The following KHDRBS2 variants were observed in gnomAD, a reference collection of about 807,000 sequenced individuals.
The protein encoded by KHDRBS2 is KH RNA binding domain containing, signal transduction associated 2, also known as KH domain-containing, RNA-binding, signal transduction-associated protein 2.
KHDRBS2 carries 26 observed loss-of-function variants against 44.3 expected under a neutral mutation model. The observed-to-expected ratio is 0.59, with a 90% confidence interval of 0.43 to 0.81. KHDRBS2 has a LOEUF of 0.81. Ranked by LOEUF, KHDRBS2 falls within the 40% of genes least tolerant of loss-of-function variation. The pLI is 0.00. For synonymous variants in KHDRBS2, 194 were observed against 151.1 expected (o/e 1.28, Z -2.08); for missense variants, 476 against 433.1 (o/e 1.10, Z -0.88).
chr6:62,076,505 T>C lies in KHDRBS2; in HGVS notation c.220-28511A>G, dbSNP rs571886852. On this transcript the variant is annotated intron_variant, in intron 2 of 8. Transcript: ENST00000281156. ...GTGTAAATCAGTAGATAATGTTGGT[T>C]GTAGTGAAATGTGGGGAAAGGATTC... Among the ~76,000 whole-genome samples the C allele has an allele frequency of 4.6e-5, 7 of 152,142 alleles. No individual in the cohort carries two copies. The South Asian group carries it at 1.4e-3, about 31-fold the overall frequency.
chr6:62,135,779 G>A (rs546503886), intron 2 of KHDRBS2, among the ~76,000 whole-genome samples: 1 of 152,128 alleles, frequency 6.6e-6, no homozygotes, highest in Non-Finnish European at 1.5e-5. Context: ...CAGAGTGGAT[G>A]ACCTAGAGGA....
intron 2 of KHDRBS2, among the ~76,000 whole-genome samples, chr6:62,060,910 T>G (rs1442163358): frequency 6.6e-6 from 1 of 151,964 alleles, no homozygotes; most frequent in Admixed American, 6.6e-5. Context: ...TGGTCTATGT[T>G]AAAATCATAT....
At chr6:61,843,320 T>C (rs1793877421) in intron 6 of KHDRBS2, among the ~76,000 whole-genome samples, 1 of 148,474 alleles carries the variant, frequency 6.7e-6, no homozygotes, top group African/African-American at 2.5e-5. Context: ...ACAAATGGCA[T>C]GGTATATGAA....
At chr6:62,030,524 T>C (rs189285527) in intron 3 of KHDRBS2, among the ~76,000 whole-genome samples, 15 of 152,118 alleles carry the variant, frequency 9.9e-5, no homozygotes, top group Admixed American at 7.2e-4. Flanking sequence ...TCATTTAGGG[T>C]ACTCCTGAAA....
rs190229421 is a variant in KHDRBS2, at chr6:61,919,761, C to G, written c.484-18390G>C. 1.5e-3 allele frequency among the ~76,000 whole-genome samples: 235 copies of G among 151,858 alleles called. 3 individuals carry two copies. Among genetic ancestry groups the G allele is most frequent in the Non-Finnish European group, 2.4e-3 (165 of 67,884 alleles). On this transcript the variant is annotated intron_variant, in intron 4 of 8. Coordinates refer to ENST00000281156, the MANE Select transcript of KHDRBS2 (RefSeq NM_152688.4). ...AAAAAACCCCACCAAACCATCACAC[C>G]TTTCAAATTTTGAAAACCACTGGTT...
rs534039517 is a variant in KHDRBS2, at chr6:61,985,475, C to A, written c.337-7263G>T. ...GGGAAACTGCAGCAAGTAGTTTGCT[C>A]TTGTGGCTCCCAGTTACTTCGTACG... On this transcript the variant is annotated intron_variant, in intron 3 of 8. Transcript: ENST00000281156. Among the ~76,000 whole-genome samples the A allele has an allele frequency of 3.9e-5, 6 of 152,254 alleles. No individual in the cohort carries two copies. The South Asian group carries it at 8.3e-4, about 21-fold the overall frequency.
chr6:62,210,327 CTTTTTTTT>C (rs70996209), intron 1 of KHDRBS2, among the ~76,000 whole-genome samples: 1 of 122,150 alleles, frequency 8.2e-6, no homozygotes, highest in Non-Finnish European at 1.7e-5. Flanking sequence ...TTCTAGCATT[CTTTTTTTT>C]TTTTTTTTTT....
At chr6:62,267,403 T>C (rs1482871932) in intron 1 of KHDRBS2, among the ~76,000 whole-genome samples, 2 of 151,974 alleles carry the variant, frequency 1.3e-5, no homozygotes, top group Admixed American at 1.3e-4. Context: ...CAAGTTCCCA[T>C]CAGAAACAGT....
At chr6:61,879,957 A>G (rs991500206) in intron 6 of KHDRBS2, among the ~76,000 whole-genome samples, 2 of 151,916 alleles carry the variant, frequency 1.3e-5, no homozygotes, top group Non-Finnish European at 2.9e-5. Flanking sequence ...CAAATAAGTG[A>G]TAAGATAAAT....
At chr6:61,706,929 AAAAAAC>A (rs894132698) in intron 7 of KHDRBS2, among the ~76,000 whole-genome samples, 3 of 151,830 alleles carry the variant, frequency 2.0e-5, no homozygotes, top group South Asian at 2.1e-4. Context: ...CTATACAAGT[AAAAAAC>A]AAAAACAAAA....
rs577183107 is a variant in KHDRBS2 at position 61,719,909 on chromosome 6, C to T, written c.893+12773G>A. 3.9e-5 allele frequency among the ~76,000 whole-genome samples: 6 copies of T among 152,188 alleles called. No homozygotes were observed. In the South Asian group the frequency reaches 1.2e-3, roughly 32 times the overall value. On this transcript the variant is annotated intron_variant, in intron 7 of 8. Coordinates refer to ENST00000281156, the MANE Select transcript of KHDRBS2 (RefSeq NM_152688.4). ...CGTCATCTAGCATTAGGTACATCTCCCAGTGCTATGCCTCCCGCCTCTTCC... is the reference window on the plus strand; with the variant it reads ...CGTCATCTAGCATTAGGTACATCTCTCAGTGCTATGCCTCCCGCCTCTTCC...
intron 6 of KHDRBS2, among the ~76,000 whole-genome samples, chr6:61,826,074 AAGG>A (rs1790812001): frequency 6.6e-6 from 1 of 152,154 alleles, no homozygotes; most frequent in African/African-American, 2.4e-5. Flanking sequence ...ATAATCAAAG[AAGG>A]AGTTTTCCAA....
At chr6:61,746,821 A>G (rs936918393) in intron 6 of KHDRBS2, among the ~76,000 whole-genome samples, 5 of 152,172 alleles carry the variant, frequency 3.3e-5, no homozygotes, top group African/African-American at 1.2e-4. Context: ...GGCATGGGTA[A>G]AGACTTCATG....
chr6:61,755,174 G>A (rs770802923), intron 6 of KHDRBS2, among the ~76,000 whole-genome samples: 1 of 152,076 alleles, frequency 6.6e-6, no homozygotes, highest in African/African-American at 2.4e-5. Flanking sequence ...TGAAAATAGA[G>A]CATCTTTAGG....
intron 2 of KHDRBS2, among the ~76,000 whole-genome samples, chr6:62,063,586 A>G (rs1792658218): frequency 1.3e-5 from 2 of 151,744 alleles, no homozygotes; most frequent in African/African-American, 2.4e-5. Context: ...ACAACCCTTC[A>G]TGATAAAAAC....
At chr6:61,978,991 A>G (rs1431288836) in intron 3 of KHDRBS2, among the ~76,000 whole-genome samples, 1 of 152,130 alleles carries the variant, frequency 6.6e-6, no homozygotes, top group Non-Finnish European at 1.5e-5. Flanking sequence ...CTATTGGAAG[A>G]GACTTTTCCT....
intron 2 of KHDRBS2, among the ~76,000 whole-genome samples, chr6:62,049,382 T>C (rs1285617434): frequency 6.6e-6 from 1 of 151,832 alleles, no homozygotes; most frequent in African/African-American, 2.4e-5. Context: ...AGATCGATCA[T>C]AGAACTATAT....
At chr6:61,669,000 G>T in the KHDRBS2 span, among the ~76,000 whole-genome samples, 53 of 150,852 alleles carry the variant, frequency 3.5e-4, no homozygotes, top group African/African-American at 1.2e-3. Flanking sequence ...TTTTCATGGA[G>T]ATTTTATGTT....
At chr6:61,808,114 T>A (rs1009718591) in intron 6 of KHDRBS2, among the ~76,000 whole-genome samples, 2 of 152,184 alleles carry the variant, frequency 1.3e-5, no homozygotes, top group Non-Finnish European at 2.9e-5. Context: ...TATTTACTTA[T>A]TTAAGCTTTA....
Sources: gnomAD v4.1 joint callset for allele counts (sites outside exome capture counted in the v4.1 genomes callset) on GRCh38, gnomAD v4.1.1 for gene constraint, MANE v1.5 for transcripts, NCBI Gene and HGNC (gene_info 2026-07-23, HGNC 2026-07-21) for gene names.